The following CSNK1G2 variants were observed in gnomAD, a reference collection of about 807,000 sequenced individuals.
CSNK1G2 encodes casein kinase I isoform gamma-2.
A neutral mutation model predicts 48.0 loss-of-function variants in CSNK1G2; 11 were observed. That is an observed-to-expected ratio of 0.23 (90% confidence interval 0.14 to 0.38). CSNK1G2 has a LOEUF of 0.38. CSNK1G2 is among the 10% of genes least tolerant of loss of function. The pLI, the probability that CSNK1G2 is intolerant of heterozygous loss-of-function variation, is 1.00. For missense variants in CSNK1G2, 446 were observed against 595.5 expected, an observed-to-expected ratio of 0.75 and a Z score of 2.61; for synonymous variants, 337 against 254.1, an observed-to-expected ratio of 1.33 and a Z score of -3.10.
chr19:1,977,020 T>C (rs1245694170), intron 2 of CSNK1G2, among the ~76,000 whole-genome samples: 1 of 152,170 alleles, frequency 6.6e-6, no homozygotes, highest in Non-Finnish European at 1.5e-5. Flanking sequence ...ATTACAGGCA[T>C]AAGCCACCGT....
intron 1 of CSNK1G2, among the ~76,000 whole-genome samples, chr19:1,965,177 C>T (rs1212615903): frequency 2.0e-5 from 3 of 149,838 alleles, no homozygotes; most frequent in Middle Eastern, 3.4e-3. Context: ...GGGCAGATCA[C>T]GAGGTCAGGA....
At position 1,978,768 on chromosome 19, in the gene CSNK1G2, CG is replaced by C; in HGVS notation, c.447+22del. 4.6e-6 allele frequency: 1 copy of C among 217,500 alleles called. No individual in the cohort carries two copies. The highest frequency in any genetic ancestry group is 4.5e-5 in the South Asian group (1 of 22,338). 13.5% of individuals were successfully genotyped at this position (217,500 alleles called of 1,614,324 possible). On this transcript the variant is annotated intron_variant, in intron 5 of 11. Coordinates refer to ENST00000255641, the MANE Select transcript of CSNK1G2 (RefSeq NM_001319.7). This position sits in a 1 kb window ranked among gnomAD's most constrained non-coding sequence, Gnocchi z 7.3. ...TCCAGCTGGTGCGCGGCGGGCGGGG[CG>C]GGGCGGGGCTCGGAGGGAAGAGGGT...
chr19:1,950,122 TTATTTATTTATA>T (rs1444142816), intron 1 of CSNK1G2, among the ~76,000 whole-genome samples: 242 of 151,378 alleles, frequency 1.6e-3, no homozygotes, highest in Non-Finnish European at 2.1e-3. Context: ...TTTATTTATT[TTATTTATTTATA>T]TATTTATTTA....
chr19:1,978,576 G>T lies in CSNK1G2; in HGVS notation c.299-26G>T. 6.3e-7 allele frequency: 1 copy of T among 1,576,874 alleles called. No individual in the cohort carries two copies. The highest frequency in any genetic ancestry group is 1.1e-5 in the South Asian group (1 of 87,178). On this transcript the variant is annotated intron_variant, in intron 4 of 11. Transcript: ENST00000255641. The surrounding 1 kb of genome is among the most constrained non-coding windows in gnomAD (Gnocchi z 7.3). ...GGCAGGGAGGGGGCTGCCGCCGCAC[G>T]CCCGTGCGTCTGTCCTCCGCCGCAG... is the stretch of plus-strand genomic sequence containing the variant.
In CSNK1G2 at chr19:1,958,976, C is replaced by T. The variant is rs568755918; in HGVS notation, c.-265-10532C>T. 1.3e-3 allele frequency among the ~76,000 whole-genome samples: 176 copies of T among 137,384 alleles called. 1 individual carries two copies. The highest frequency in any genetic ancestry group is 2.7e-3 in the Admixed American group (35 of 12,892). 90.1% of individuals were successfully genotyped at this position (137,384 alleles called of 152,430 possible). On this transcript the variant is annotated intron_variant, in intron 1 of 11. Transcript: ENST00000255641. Reference sequence around the variant, plus strand: ...ATGAGCTTTGGCTCTGGGTCCTGAGCGTCCCTTCCCCAAATTCCCCATGTG... The same window carrying T: ...ATGAGCTTTGGCTCTGGGTCCTGAGTGTCCCTTCCCCAAATTCCCCATGTG...
At chr19:1,976,625 G>A (rs1297409215) in intron 2 of CSNK1G2, among the ~76,000 whole-genome samples, 1 of 152,218 alleles carries the variant, frequency 6.6e-6, no homozygotes, top group Non-Finnish European at 1.5e-5. Context: ...CTCAGCCACC[G>A]GGCTTTGGGA....
At chr19:1,948,407 CA>C (rs1182548945) in intron 1 of CSNK1G2, among the ~76,000 whole-genome samples, 1 of 151,946 alleles carries the variant, frequency 6.6e-6, no homozygotes, top group African/African-American at 2.4e-5. Flanking sequence ...CCTGTACTCC[CA>C]GCTACTCGGG....
chr19:1,965,857 C>T lies in CSNK1G2; in HGVS notation c.-265-3651C>T, dbSNP rs764831189. Reference sequence around the variant, plus strand: ...TGTCTCCCAGGCTGCAGTGGAGAAGCAGAATCACAGCTCACTTTAGCCTCC... The same window carrying T: ...TGTCTCCCAGGCTGCAGTGGAGAAGTAGAATCACAGCTCACTTTAGCCTCC... On this transcript the variant is annotated intron_variant, in intron 1 of 11. Transcript: ENST00000255641. 1.0e-3 allele frequency among the ~76,000 whole-genome samples: 154 copies of T among 152,248 alleles called. 2 individuals carry two copies. The highest frequency in any genetic ancestry group is 1.5e-3 in the Non-Finnish European group (105 of 68,028).
intron 1 of CSNK1G2, among the ~76,000 whole-genome samples, chr19:1,958,279 C>T (rs1290337180): frequency 6.6e-6 from 1 of 152,012 alleles, no homozygotes; most frequent in Non-Finnish European, 1.5e-5. Context: ...GGCCTCGCTT[C>T]GTCCTTTTTG....
At chr19:1,958,584 T>TCCCCCGTCCCCCTGTC (rs2015080397) in intron 1 of CSNK1G2, among the ~76,000 whole-genome samples, 1 of 63,782 alleles carries the variant, frequency 1.6e-5, no homozygotes, top group Non-Finnish European at 3.0e-5. Context: ...CCAGGTACTG[T>TCCCCCGTCCCCCTGTC]CCCCCGTCCC....
At chr19:1,942,486 G>A (rs941192825) in intron 1 of CSNK1G2, 2 of 152,366 alleles carry the variant, frequency 1.3e-5, no homozygotes, top group Non-Finnish European at 2.9e-5. Flanking sequence ...GTGGCCCAGT[G>A]CGCCGGGGCG....
At position 1,969,629 on chromosome 19, in the gene CSNK1G2, A is replaced by G. The variant is rs1400992697; in HGVS notation, c.-144A>G. On this transcript the variant is annotated 5_prime_UTR_variant, in exon 2 of 12. Transcript: ENST00000255641. ...TGGCCGGCCCGAACGCCTGCGTCTC[A>G]GTAGCTGGGAGCCACGGGCCCACGC... 6 of 680,826 alleles carry G rather than the reference A, an allele frequency of 8.8e-6. No homozygotes were observed. In the Admixed American group the frequency reaches 1.7e-4, roughly 20 times the overall value. 42.2% of individuals were successfully genotyped at this position (680,826 alleles called of 1,614,324 possible). A position where few individuals can be genotyped will look rare whatever the true frequency, so the allele number is the denominator to read the frequency against.
chr19:1,971,804 C>G (rs913125411), intron 2 of CSNK1G2, among the ~76,000 whole-genome samples: 3 of 144,066 alleles, frequency 2.1e-5, no homozygotes, highest in East Asian at 4.1e-4. Context: ...GAGTCTCGCT[C>G]GGTCACCCAG....
In CSNK1G2 at chr19:1,978,244, TG is replaced by T; in HGVS notation, c.188-57del. 1.2e-5 allele frequency: 19 copies of T among 1,568,168 alleles called. No homozygotes were observed. Among genetic ancestry groups the T allele is most frequent in the Non-Finnish European group, 1.7e-5 (19 of 1,146,542 alleles). ...CCTGCCTCCTGCCTCGGGGGTGGGC[TG>T]GGGAGGTCGGGGCTAGGTGGGCCCT... On this transcript the variant is annotated intron_variant, in intron 2 of 11. Coordinates refer to ENST00000255641, the MANE Select transcript of CSNK1G2 (RefSeq NM_001319.7). The surrounding 1 kb of genome is among the most constrained non-coding windows in gnomAD (Gnocchi z 7.3).
At chr19:1,951,773 C>T (rs537794241) in intron 1 of CSNK1G2, among the ~76,000 whole-genome samples, 11 of 146,630 alleles carry the variant, frequency 7.5e-5, no homozygotes, top group South Asian at 2.2e-4. Flanking sequence ...CTCCGCCTCC[C>T]GGGTTCACAC....
chr19:1,954,450 A>G (rs889365350), intron 1 of CSNK1G2: 1 of 162,274 alleles, frequency 6.2e-6, no homozygotes, highest in Admixed American at 5.8e-5. Context: ...AGCTGCCCAG[A>G]ACGGTCTGCG....
chr19:1,965,995 C>T (rs1346484275), intron 1 of CSNK1G2, among the ~76,000 whole-genome samples: 2 of 152,146 alleles, frequency 1.3e-5, no homozygotes, highest in African/African-American at 2.4e-5. Context: ...GATAGGGTCT[C>T]CCTGTGTTGC....
rs2015887508 is a variant in CSNK1G2, at chr19:1,979,416, T to C, written c.853+13T>C. ...GAGAACTTCCCAGGTAAGGGGTCCC[T>C]GCGCCCCCGCCCTGTGCCCCCCACC... On this transcript the variant is annotated intron_variant, in intron 8 of 11. Coordinates refer to ENST00000255641, the MANE Select transcript of CSNK1G2 (RefSeq NM_001319.7). 1 of 1,549,670 alleles carries C rather than the reference T, an allele frequency of 6.5e-7. No homozygotes were observed. The highest frequency in any genetic ancestry group is 1.9e-5 in the Admixed American group (1 of 51,382).
At chr19:1,968,555 C>T (rs2015457265) in intron 1 of CSNK1G2, among the ~76,000 whole-genome samples, 1 of 152,218 alleles carries the variant, frequency 6.6e-6, no homozygotes, top group East Asian at 1.9e-4. Context: ...TGGGTGGCAA[C>T]AGGCTCTGGG....
Sources: gnomAD v4.1 joint callset for allele counts (sites outside exome capture counted in the v4.1 genomes callset) on GRCh38, gnomAD v4.1.1 for gene constraint, Gnocchi (gnomAD v3.1) non-coding constraint, MANE v1.5 for transcripts, NCBI Gene and HGNC (gene_info 2026-07-23, HGNC 2026-07-21) for gene names.